The following GNPTAB variants were observed in gnomAD, a reference collection of about 807,000 sequenced individuals.
GNPTAB encodes N-acetylglucosamine-1-phosphate transferase subunits alpha and beta.
In GNPTAB, 92 loss-of-function variants were observed where a neutral mutation model predicts 136.6. The observed-to-expected ratio is 0.67, with a 90% confidence interval of 0.57 to 0.80. The LOEUF is 0.80. Ranked by LOEUF, GNPTAB falls within the 30% of genes least tolerant of loss-of-function variation. The probability of loss-of-function intolerance (pLI) is 0.00; values close to 1 mark genes in which losing one functional copy is unlikely to be tolerated. For synonymous variants in GNPTAB, 512 were observed against 535.1 expected, an observed-to-expected ratio of 0.96 and a Z score of 0.60; for missense variants, 1,343 against 1,501.8, an observed-to-expected ratio of 0.89 and a Z score of 1.75.
intron 7 of GNPTAB, among the ~76,000 whole-genome samples, chr12:101,772,291 CTTCT>C (rs1953188334): frequency 1.3e-5 from 2 of 152,304 alleles, no homozygotes; most frequent in Admixed American, 1.3e-4. Context: ...AGCTTACGGT[CTTCT>C]TTCTCAATCT....
At chr12:101,781,136 G>A (rs1398176003) in intron 5 of GNPTAB, among the ~76,000 whole-genome samples, 1 of 152,164 alleles carries the variant, frequency 6.6e-6, no homozygotes, top group Non-Finnish European at 1.5e-5. Flanking sequence ...ATTGGGTGCT[G>A]CTGAATGGAG....
chr12:101,752,251 C>T (rs182519757), intron 19 of GNPTAB, among the ~76,000 whole-genome samples: 112 of 152,232 alleles, frequency 7.4e-4, no homozygotes, highest in African/African-American at 2.5e-3. Context: ...TGGCAAAACC[C>T]TGTCTCTACT....
At chr12:101,762,539 C>A (rs1953015030) in intron 13 of GNPTAB, among the ~76,000 whole-genome samples, 1 of 152,136 alleles carries the variant, frequency 6.6e-6, no homozygotes, top group African/African-American at 2.4e-5. Context: ...CACTGCAACA[C>A]TATTTGTAAT....
intron 1 of GNPTAB, among the ~76,000 whole-genome samples, chr12:101,797,898 T>C (rs1566091110): frequency 6.6e-6 from 1 of 152,190 alleles, no homozygotes; most frequent in Non-Finnish European, 1.5e-5. Flanking sequence ...TCAACTTGTG[T>C]GTTCTCAAGA....
intron 20 of GNPTAB, 70 bp from the exon 21 acceptor site, chr12:101,747,311 T>C (rs905326243): frequency 7.0e-6 from 6 of 861,300 alleles, no homozygotes; most frequent in African/African-American, 3.3e-5. Context: ...GCATCAAACT[T>C]TCTAAGAGCC....
intron 1 of GNPTAB, among the ~76,000 whole-genome samples, chr12:101,809,025 G>A (rs183068142): frequency 3.3e-5 from 5 of 152,238 alleles, no homozygotes; most frequent in African/African-American, 1.2e-4. Context: ...AAAAATATTT[G>A]TAAGACACAT....
intron 1 of GNPTAB, among the ~76,000 whole-genome samples, chr12:101,801,615 T>C (rs1187921944): frequency 6.6e-6 from 1 of 150,438 alleles, no homozygotes; most frequent in Non-Finnish European, 1.5e-5. Flanking sequence ...CCCAAACTCC[T>C]TCCTCTCTGG....
chr12:101,766,373 G>A, intron 11 of GNPTAB, 79 bp from the exon 12 acceptor site: 4 of 1,253,116 alleles, frequency 3.2e-6, no homozygotes, highest in Non-Finnish European at 4.7e-6. Context: ...TGTGGTGGCT[G>A]ACGCCTGTAA....
At position 101,796,902 on chromosome 12, in the gene GNPTAB, A is replaced by C. The variant is rs111894549; in HGVS notation, c.118-140T>G. 7.4e-4 allele frequency: 476 copies of C among 645,682 alleles called. 3 individuals carry two copies. The highest frequency in any genetic ancestry group is 7.4e-3 in the African/African-American group (404 of 54,940). The allele number at this position is 645,682 out of a possible 1,614,324, so 40.0% of individuals were successfully genotyped here. ...CATGTATTCACTTACTGCCTACCAC[A>C]TACATCGTGTTAGATCCAGGTGAAT... On this transcript the variant is annotated intron_variant, in intron 1 of 20. Coordinates refer to ENST00000299314, the MANE Select transcript of GNPTAB (RefSeq NM_024312.5).
chr12:101,758,576 T>C (rs1340737285), intron 16 of GNPTAB, among the ~76,000 whole-genome samples: 1 of 152,250 alleles, frequency 6.6e-6, no homozygotes, highest in South Asian at 2.1e-4. Context: ...ATCTCAACTT[T>C]ATTAATTTGG....
chr12:101,824,428 A>T lies in GNPTAB; in HGVS notation c.117+6131T>A, dbSNP rs1287595879. On this transcript the variant is annotated intron_variant, in intron 1 of 20. Transcript: ENST00000299314. ...ACCATATATATATATATATATATATATATATTTTCTTTTTTTTTTTTTTTT... is the reference window on the plus strand; with the variant it reads ...ACCATATATATATATATATATATATTTATATTTTCTTTTTTTTTTTTTTTT... 3.7e-3 allele frequency among the ~76,000 whole-genome samples: 311 copies of T among 84,070 alleles called. 6 individuals are homozygous for T. The highest frequency in any genetic ancestry group is 0.013 in the African/African-American group (298 of 23,508). 55.2% of individuals were successfully genotyped at this position (84,070 alleles called of 152,430 possible). A position where few individuals can be genotyped will look rare whatever the true frequency, so the allele number is the denominator to read the frequency against.
At chr12:101,757,174 T>C (rs1272935087) in intron 18 of GNPTAB, 38 bp downstream of exon 18, 1 of 1,094,746 alleles carries the variant, frequency 9.1e-7, no homozygotes, top group Non-Finnish European at 1.4e-6. Context: ...TATTCAGGTT[T>C]ATTTGCATAA....
At chr12:101,801,219 G>A (rs1397557094) in intron 1 of GNPTAB, among the ~76,000 whole-genome samples, 10 of 105,424 alleles carry the variant, frequency 9.5e-5, no homozygotes, top group African/African-American at 1.9e-4. Context: ...GTGACAGAAC[G>A]AGACCCTGTC....
At chr12:101,825,360 T>C (rs1029204114) in intron 1 of GNPTAB, among the ~76,000 whole-genome samples, 2 of 152,208 alleles carry the variant, frequency 1.3e-5, no homozygotes, top group African/African-American at 4.8e-5. Context: ...ATGAAAATGT[T>C]CAAGTTATAT....
At chr12:101,749,732 C>G (rs1433133627) in intron 19 of GNPTAB, among the ~76,000 whole-genome samples, 1 of 152,158 alleles carries the variant, frequency 6.6e-6, no homozygotes, top group Non-Finnish European at 1.5e-5. Context: ...TTGAAGGGGA[C>G]AGGAAGCATA....
At chr12:101,792,817 CATTA>C (rs1257122265) in intron 2 of GNPTAB, among the ~76,000 whole-genome samples, 4 of 152,318 alleles carry the variant, frequency 2.6e-5, no homozygotes, top group South Asian at 2.1e-4. Flanking sequence ...TGCCCTGCTT[CATTA>C]ATTATTTCCT....
intron 1 of GNPTAB, among the ~76,000 whole-genome samples, chr12:101,805,980 T>C (rs996153122): frequency 1.3e-5 from 2 of 152,216 alleles, no homozygotes; most frequent in Non-Finnish European, 2.9e-5. Flanking sequence ...TACATTCATA[T>C]AAATATGATA....
intron 1 of GNPTAB, among the ~76,000 whole-genome samples, chr12:101,820,120 C>T (rs1284628061): frequency 6.6e-6 from 1 of 152,230 alleles, no homozygotes; most frequent in South Asian, 2.1e-4. Flanking sequence ...CCAGCCTCTA[C>T]GCAAGATGTC....
chr12:101,770,908 C>G, intron 8 of GNPTAB, 88 bp downstream of exon 8: 92 of 1,180,798 alleles, frequency 7.8e-5, no homozygotes, highest in Middle Eastern at 3.9e-4. Context: ...CTCTGTAAGT[C>G]CCCTTCCCTC....
Sources: gnomAD v4.1 joint callset for allele counts (sites outside exome capture counted in the v4.1 genomes callset) on GRCh38, gnomAD v4.1.1 for gene constraint, MANE v1.5 for transcripts, NCBI Gene and HGNC (gene_info 2026-07-23, HGNC 2026-07-21) for gene names.